REG4: variants seen among roughly 807,000 people sequenced by gnomAD.
REG4 encodes regenerating family member 4.
REG4 carries 16 observed loss-of-function variants against 22.3 expected under a neutral mutation model. The observed-to-expected ratio is 0.72, with a 90% CI of 0.49 to 1.09. REG4 has a LOEUF of 1.09. Among genes scored for constraint, REG4 ranks in the 50% least tolerant of loss-of-function variants. REG4 has a pLI of 0.00. For missense variants in REG4, 214 were observed against 193.9 expected, an observed-to-expected ratio of 1.10 and a Z score of -0.61; for synonymous variants, 71 against 69.2, an observed-to-expected ratio of 1.03 and a Z score of -0.13.
At chr1:119,798,702 A>C in intron 4 of REG4, 100 bp from the exon 5 acceptor site, 1 of 791,296 alleles carries the variant, frequency 1.3e-6, no homozygotes, top group East Asian at 2.5e-5. Flanking sequence ...TTTCATTGCA[A>C]ACATTGGGAA....
Position 119,798,870 on chromosome 1 carries a change from A to G in REG4, c.304-268T>C, listed in dbSNP as rs1571064061. The stretch of plus-strand genomic sequence containing the variant: ...GATTGATAGCAATGTGAATACATAA[A>G]AATGTAAAATTTCTGATAGTCAAAT... On this transcript the variant is annotated intron_variant, in intron 4 of 5. Coordinates refer to ENST00000256585, the MANE Select transcript of REG4 (RefSeq NM_032044.4). Among the ~76,000 whole-genome samples the G allele has an allele frequency of 2.6e-5, 4 of 152,252 alleles. No homozygotes were observed. In the East Asian group the frequency reaches 7.7e-4, roughly 29 times the overall value.
At position 119,806,913 on chromosome 1, in the gene REG4, G is replaced by T. The variant is rs587714456; in HGVS notation, c.67+1790C>A. 8.5e-5 allele frequency among the ~76,000 whole-genome samples: 13 copies of T among 152,258 alleles called. No individual in the cohort carries two copies. In the South Asian group the frequency reaches 2.7e-3, roughly 32 times the overall value. On this transcript the variant is annotated intron_variant, in intron 2 of 5. Transcript: ENST00000256585. ...CAATATATGCCTTCTTCACACAGTT[G>T]TTGGGAAGATTAATTAAGATAATTC...
At chr1:119,798,419 G>T in intron 5 of REG4, 78 bp downstream of exon 5, 2 of 1,097,676 alleles carry the variant, frequency 1.8e-6, no homozygotes, top group Non-Finnish European at 2.8e-6. Flanking sequence ...GGTCCCCTGT[G>T]CCTATTTTTG....
chr1:119,797,276 T>C lies in REG4; in HGVS notation c.409+1221A>G, dbSNP rs762085591. ...ATTGGTTTTGGTTGTGTTTTTTCCA[T>C]TTGAGCCAACTTCTGCCTTGAACAG... is the stretch of plus-strand genomic sequence containing the variant. On this transcript the variant is annotated intron_variant, in intron 5 of 5. Transcript: ENST00000256585. Among the ~76,000 whole-genome samples the C allele has an allele frequency of 1.2e-4, 18 of 152,208 alleles. 1 individual carries two copies. Among genetic ancestry groups the C allele is most frequent in the Admixed American group, 2.0e-4 (3 of 15,282 alleles).
At chr1:119,805,563 C>T (rs1654279290) in intron 2 of REG4, among the ~76,000 whole-genome samples, 1 of 152,158 alleles carries the variant, frequency 6.6e-6, no homozygotes, top group Non-Finnish European at 1.5e-5. Context: ...GAAGACCACG[C>T]CGGAGCCCAG....
chr1:119,804,481 C>T (rs1453086706), intron 2 of REG4, among the ~76,000 whole-genome samples: 2 of 152,158 alleles, frequency 1.3e-5, no homozygotes, highest in African/African-American at 4.8e-5. Flanking sequence ...TTCCTTGTAC[C>T]TATGAATAAT....
rs1208854769 is a variant in REG4, at chr1:119,794,668, T to C, written c.427A>G (p.Ser143Gly). Residue 143 changes from serine to glycine, a missense_variant, in exon 6 of 6, where the codon AGC becomes GGC. Ser to Gly is a moderately conservative substitution (Grantham distance 56). Transcript: ENST00000256585. ...SSNNNFLTWS[S>G]NECNKRQHFL... ...TGTTGGCGCTTGTTGCATTCGTTGC[T>C]GCTCCAAGTTAAAAAGTCTGTAAGA... 1.9e-6 allele frequency: 3 copies of C among 1,614,162 alleles called. No homozygotes were observed. The highest frequency in any genetic ancestry group is 2.2e-5 in the South Asian group (2 of 91,080).
In REG4 at chr1:119,794,485, G is replaced by C. The variant is rs1358405669; in HGVS notation, c.*133C>G. On this transcript the variant is annotated 3_prime_UTR_variant, in exon 6 of 6. Coordinates refer to ENST00000256585, the MANE Select transcript of REG4 (RefSeq NM_032044.4). The stretch of plus-strand genomic sequence containing the variant: ...AGTTTCTGTCTCTAAGCCTAAAAAA[G>C]CCAGTGTAGTAGGGCCCTTATCACT... The C allele has an allele frequency of 2.1e-5, 17 of 806,352 alleles. No individual in the cohort carries two copies. Among genetic ancestry groups the C allele is most frequent in the Non-Finnish European group, 3.2e-5 (15 of 471,504 alleles). 49.9% of individuals were successfully genotyped at this position (806,352 alleles called of 1,614,324 possible).
At chr1:119,802,004 G>A (rs1654119273) in intron 3 of REG4, 1 of 152,142 alleles carries the variant, frequency 6.6e-6, no homozygotes, top group Non-Finnish European at 1.5e-5. Context: ...GAGTAGTGAT[G>A]TAAACTCAGG....
In REG4 at chr1:119,794,460, AG is replaced by A. The variant is rs1488704229; in HGVS notation, c.*157del. 1 of 711,876 alleles carries A rather than the reference AG, an allele frequency of 1.4e-6. No individual in the cohort carries two copies. Among genetic ancestry groups the A allele is most frequent in the Non-Finnish European group, 2.5e-6 (1 of 397,326 alleles). 44.1% of individuals were successfully genotyped at this position (711,876 alleles called of 1,614,324 possible). A position where few individuals can be genotyped will look rare whatever the true frequency, so the allele number is the denominator to read the frequency against. On this transcript the variant is annotated 3_prime_UTR_variant, in exon 6 of 6. Coordinates refer to ENST00000256585, the MANE Select transcript of REG4 (RefSeq NM_032044.4). ...GAAGCCACTACTGGGCCAATGCTAA[AG>A]TTTCTGTCTCTAAGCCTAAAAAAGC...
At chr1:119,800,672 G>A (rs1210393348) in intron 3 of REG4, among the ~76,000 whole-genome samples, 1 of 152,142 alleles carries the variant, frequency 6.6e-6, no homozygotes, top group East Asian at 1.9e-4. Context: ...GTAAACAGTG[G>A]TCTGTAACTT....
At chr1:119,798,648 T>G in intron 4 of REG4, 46 bp from the exon 5 acceptor site, 1 of 1,494,696 alleles carries the variant, frequency 6.7e-7, no homozygotes, top group Non-Finnish European at 9.3e-7. Context: ...GCAACCCACC[T>G]GCCACAGCCA....
In REG4 at chr1:119,794,397, A is replaced by G; in HGVS notation, c.*221T>C. On this transcript the variant is annotated 3_prime_UTR_variant, in exon 6 of 6. Transcript: ENST00000256585. ...AGACAGGGGAGGAGGGAAGAAGGAT[A>G]CTGTGGAAAGGGATGGCGGGGCAAA... is the stretch of plus-strand genomic sequence containing the variant. The G allele has an allele frequency of 1.6e-6, 1 of 625,904 alleles. No individual in the cohort carries two copies. Among genetic ancestry groups the G allele is most frequent in the Non-Finnish European group, 2.9e-6 (1 of 343,380 alleles). 38.8% of individuals were successfully genotyped at this position (625,904 alleles called of 1,614,324 possible). A position where few individuals can be genotyped will look rare whatever the true frequency, so the allele number is the denominator to read the frequency against.
intron 1 of REG4, 135 bp from the exon 2 acceptor site, chr1:119,808,998 G>A (rs896604134): frequency 2.1e-6 from 1 of 469,656 alleles, no homozygotes; most frequent in Non-Finnish European, 3.8e-6. Context: ...AGATGTACAG[G>A]TTAGAAAATT....
intron 3 of REG4, chr1:119,802,227 C>T (rs1654131562): frequency 3.0e-6 from 2 of 659,974 alleles, no homozygotes; most frequent in Non-Finnish European, 3.8e-6. Flanking sequence ...TCAGTGTAAA[C>T]TTGGGAAAGT....
At chr1:119,805,705 T>G (rs937164650) in intron 2 of REG4, among the ~76,000 whole-genome samples, 7 of 152,062 alleles carry the variant, frequency 4.6e-5, no homozygotes, top group African/African-American at 1.7e-4. Flanking sequence ...TATCTCTCCG[T>G]TCTCTCCCTG....
intron 5 of REG4, among the ~76,000 whole-genome samples, chr1:119,797,441 T>G (rs772571751): frequency 7.9e-5 from 12 of 152,238 alleles, no homozygotes; most frequent in Non-Finnish European, 1.6e-4. Flanking sequence ...CTTTCCTTCT[T>G]ATAAGTTTAT....
chr1:119,810,171 A>T (rs587618849), intron 1 of REG4, among the ~76,000 whole-genome samples: 22 of 152,240 alleles, frequency 1.4e-4, no homozygotes, highest in Admixed American at 1.0e-3. Flanking sequence ...GTTTTTAAAA[A>T]TAATTTTTAA....
chr1:119,808,374 T>C (rs939206414), intron 2 of REG4, among the ~76,000 whole-genome samples: 1 of 152,246 alleles, frequency 6.6e-6, no homozygotes, highest in Non-Finnish European at 1.5e-5. Flanking sequence ...TGGGGAATTC[T>C]AATTATGGCT....
Sources: allele counts gnomAD v4.1 joint callset (sites outside exome capture counted in the v4.1 genomes callset), GRCh38; gene constraint gnomAD v4.1.1; transcripts MANE v1.5; gene names NCBI Gene and HGNC (gene_info 2026-07-23, HGNC 2026-07-21).